Variants in LMF1 observed in about 807,000 individuals in gnomAD.
The protein encoded by LMF1 is transmembrane protein 112.
LMF1 carries 68 observed loss-of-function variants against 60.6 expected under a neutral mutation model. That is an observed-to-expected ratio of 1.12 (90% CI 0.92 to 1.37). LMF1 has a LOEUF of 1.37. LMF1 is among the 40% of genes most tolerant of loss of function. The probability of loss-of-function intolerance (pLI) is 0.00; values close to 1 mark genes in which losing one functional copy is unlikely to be tolerated. For missense variants in LMF1, 948 were observed against 767.2 expected (o/e 1.24, Z -2.78); for synonymous variants, 418 against 324.7 (o/e 1.29, Z -3.09).
intron 10 of LMF1, among the ~76,000 whole-genome samples, chr16:859,004 C>T (rs1243728971): frequency 2.4e-5 from 2 of 82,070 alleles, no homozygotes; most frequent in Non-Finnish European, 4.1e-5. Context: ...TGTCACGGGA[C>T]GCGTGTGCAG....
At chr16:971,326 C>T (rs117745852), upstream of LMF1, among the ~76,000 whole-genome samples, 7,498 of 152,324 alleles carry the variant, frequency 0.049, 204 homozygotes, top group Non-Finnish European at 0.065. Flanking sequence ...CAGGTGCCCT[C>T]CCCCAGCCAG....
At chr16:967,661 C>A (rs1567336684) in intron 1 of LMF1, among the ~76,000 whole-genome samples, 1 of 152,216 alleles carries the variant, frequency 6.6e-6, no homozygotes, top group Admixed American at 6.5e-5. Context: ...CAGGCATCCC[C>A]GACCACCTCG....
At chr16:976,547 C>G in intron 1 of LMF1, 2 of 454,124 alleles carry the variant, frequency 4.4e-6, no homozygotes, top group South Asian at 3.1e-5. Context: ...GCTTGGGGCC[C>G]CAGGGCTCCT....
chr16:861,015 G>GT (rs2069446884), intron 10 of LMF1, among the ~76,000 whole-genome samples: 3 of 145,302 alleles, frequency 2.1e-5, no homozygotes, highest in Admixed American at 2.0e-4. Flanking sequence ...CATCTTGCTG[G>GT]GTTTTTTTTT....
intron 2 of LMF1, chr16:947,464 G>T: frequency 2.2e-6 from 1 of 456,030 alleles, no homozygotes. Context: ...CGAGGGCGGT[G>T]TCCCTGGGTG....
intron 5 of LMF1, among the ~76,000 whole-genome samples, chr16:891,453 C>T (rs112992693): frequency 0.059 from 9,008 of 152,312 alleles, 343 homozygotes; most frequent in Admixed American, 0.086. Flanking sequence ...GAAAGCTGTG[C>T]GGGACGGTCC....
At chr16:927,437 C>G (rs779660381) in intron 3 of LMF1, among the ~76,000 whole-genome samples, 1 of 152,258 alleles carries the variant, frequency 6.6e-6, no homozygotes, top group Non-Finnish European at 1.5e-5. Flanking sequence ...TAAATCAACA[C>G]AGGAATGCAA....
chr16:869,845 C>G (rs770891562), intron 9 of LMF1, 38 bp downstream of exon 9: 1 of 1,591,836 alleles, frequency 6.3e-7, no homozygotes, highest in South Asian at 1.1e-5. Flanking sequence ...GGGTGGGGTA[C>G]AGGCAGGTCC....
intron 10 of LMF1, among the ~76,000 whole-genome samples, chr16:861,474 C>T (rs1410854917): frequency 6.6e-6 from 1 of 150,838 alleles, no homozygotes; most frequent in African/African-American, 2.4e-5. Flanking sequence ...TCTCCTACCT[C>T]AGCCTCCTGA....
intron 10 of LMF1, among the ~76,000 whole-genome samples, chr16:861,374 T>TG (rs2069461570): frequency 7.2e-6 from 1 of 139,802 alleles, no homozygotes; most frequent in Non-Finnish European, 1.5e-5. Context: ...TTTTTTTTTT[T>TG]TGAGATGGAG....
At chr16:870,168 G>C (rs908801133) in intron 8 of LMF1, 102 bp from the exon 9 acceptor site, 7 of 1,346,146 alleles carry the variant, frequency 5.2e-6, no homozygotes, top group Non-Finnish European at 7.1e-6. Flanking sequence ...CCTGGCCCAG[G>C]GGGAGGGCTA....
intron 1 of LMF1, among the ~76,000 whole-genome samples, chr16:963,489 G>A (rs145515813): frequency 2.4e-4 from 36 of 152,238 alleles, no homozygotes; most frequent in Non-Finnish European, 5.0e-4. Context: ...GCATGTCTCT[G>A]TACACGTGTG....
intron 3 of LMF1, chr16:931,862 T>C (rs2071796478): frequency 8.2e-7 from 1 of 1,220,378 alleles, no homozygotes; most frequent in East Asian, 5.8e-5. Flanking sequence ...TTAACATTAA[T>C]GAGTCAACAA....
intron 6 of LMF1, chr16:871,578 C>T: frequency 3.5e-6 from 2 of 563,544 alleles, no homozygotes; most frequent in South Asian, 2.2e-5. Context: ...CATGACTGCA[C>T]ATTTCTGTGC....
rs1209480073 is a variant in LMF1 at position 860,045 on chromosome 16, G to T, written c.1530-5339C>A. 2.0e-5 allele frequency among the ~76,000 whole-genome samples: 3 copies of T among 149,810 alleles called. 1 individual carries two copies. Among genetic ancestry groups the T allele is most frequent in the African/African-American group, 7.7e-5 (3 of 39,168 alleles). ...TTTCTCCTGAGCTTATCTGTCATCT[G>T]TGCACCTTCTTTGGTGAAACGTCTC... On this transcript the variant is annotated intron_variant, in intron 10 of 10. Coordinates refer to ENST00000262301, the MANE Select transcript of LMF1 (RefSeq NM_022773.4).
At chr16:941,249 C>A (rs4984615) in intron 2 of LMF1, among the ~76,000 whole-genome samples, 74,731 of 151,078 alleles carry the variant, frequency 0.49, 20,667 homozygotes, top group African/African-American at 0.75. Flanking sequence ...TTTTTTTTTG[C>A]GACAGAGTCT....
At position 947,486 on chromosome 16, in the gene LMF1, C is replaced by T. The variant is rs778677219; in HGVS notation, c.503+6871G>A. On this transcript the variant is annotated intron_variant, in intron 2 of 10. Coordinates refer to ENST00000262301, the MANE Select transcript of LMF1 (RefSeq NM_022773.4). ...GGTGTCCCTGGGTGCTGGCGGCCTC[C>T]CAGCGTCCCCTCCAGCCCTGGCGCT... The T allele has an allele frequency of 9.0e-4, 409 of 456,092 alleles. 1 individual carries two copies. Among genetic ancestry groups the T allele is most frequent in the Non-Finnish European group, 1.6e-3 (359 of 226,796 alleles). 28.3% of individuals were successfully genotyped at this position (456,092 alleles called of 1,614,324 possible). A position where few individuals can be genotyped will look rare whatever the true frequency, so the allele number is the denominator to read the frequency against.
At chr16:937,850 TG>T (rs2071987497) in intron 2 of LMF1, among the ~76,000 whole-genome samples, 1 of 151,868 alleles carries the variant, frequency 6.6e-6, no homozygotes, top group South Asian at 2.1e-4. Context: ...CTATCTAGAG[TG>T]TGTAGTAGGG....
rs1260867899 is a variant in LMF1, at chr16:869,006, G to A, written c.1467C>T (p.Ala489=). 1 of 1,612,640 alleles carries A rather than the reference G, an allele frequency of 6.2e-7. No homozygotes were observed. Among genetic ancestry groups the A allele is most frequent in the Admixed American group, 1.7e-5 (1 of 60,024 alleles). ...GCAGGGACAAGGCCTCGGCGTCGCTGGCCAGGAGCTTGCCAGCCAGGTGGA... is the reference window on the plus strand; with the variant it reads ...GCAGGGACAAGGCCTCGGCGTCGCTAGCCAGGAGCTTGCCAGCCAGGTGGA... ...WIIHLAGKLL[A]SDAEALSLLA... is the part of the protein sequence containing the mutation. Residue 489 remains alanine, a synonymous_variant, in exon 10 of 11, where the codon GCC becomes GCT. Coordinates refer to ENST00000262301, the MANE Select transcript of LMF1 (RefSeq NM_022773.4).
Sources: gnomAD v4.1 joint callset for allele counts (sites outside exome capture counted in the v4.1 genomes callset) on GRCh38, gnomAD v4.1.1 for gene constraint, MANE v1.5 for transcripts, NCBI Gene and HGNC (gene_info 2026-07-23, HGNC 2026-07-21) for gene names.